Variants in SLC67A1 observed in about 807,000 individuals in gnomAD.
SLC67A1 encodes solute carrier family 67 member 1, also known as solute carrier family 67 member A1.
chr11:2,919,301 G>A, the SLC67A1 span: 4 of 1,611,418 alleles, frequency 2.5e-6, no homozygotes, highest in Non-Finnish European at 3.4e-6. Context: ...CCCTGCCCCG[G>A]CTCAGGGCTC....
chr11:2,922,331 T>C, the SLC67A1 span: 5 of 1,541,226 alleles, frequency 3.2e-6, no homozygotes, highest in Non-Finnish European at 4.4e-6. Flanking sequence ...GGGCCAGCTC[T>C]TCAGCAGGGA....
chr11:2,905,257 C>T, the SLC67A1 span, among the ~76,000 whole-genome samples: 1 of 152,022 alleles, frequency 6.6e-6, no homozygotes, highest in African/African-American at 2.4e-5. Flanking sequence ...GGGGAACTGG[C>T]AGTGGTGATG....
chr11:2,924,749 G>A, the SLC67A1 span, among the ~76,000 whole-genome samples: 6 of 152,214 alleles, frequency 3.9e-5, no homozygotes, highest in African/African-American at 1.2e-4. This position sits in a 1 kb window ranked among gnomAD's most constrained non-coding sequence, Gnocchi z 8.6. Context: ...GAGGTCCTCG[G>A]GGAACAGACC....
the SLC67A1 span, among the ~76,000 whole-genome samples, chr11:2,910,344 G>A: frequency 1.3e-5 from 2 of 152,188 alleles, no homozygotes; most frequent in African/African-American, 4.8e-5. Context: ...GAATGTGATA[G>A]GAATTCCCGT....
the SLC67A1 span, chr11:2,903,632 T>A: frequency 1.2e-6 from 1 of 834,036 alleles, no homozygotes; most frequent in Non-Finnish European, 1.9e-6. Context: ...ATGCCACGCT[T>A]AAGCTGAGTA....
the SLC67A1 span, chr11:2,902,417 C>T: frequency 5.3e-6 from 1 of 189,574 alleles, no homozygotes; most frequent in African/African-American, 2.4e-5. Flanking sequence ...ACCCCGAACT[C>T]CGGCGCAGCG....
At chr11:2,922,146 G>C in the SLC67A1 span, 1 of 1,613,702 alleles carries the variant, frequency 6.2e-7, no homozygotes, top group Non-Finnish European at 8.5e-7. Context: ...GCCACTTCTC[G>C]GAGGAGGTGC....
At chr11:2,909,855 C>A in the SLC67A1 span, 7 of 939,148 alleles carry the variant, frequency 7.5e-6, no homozygotes, top group Non-Finnish European at 1.0e-5. Flanking sequence ...GGACGTCTGG[C>A]CCCGCGCGAG....
At chr11:2,904,920 G>C in the SLC67A1 span, among the ~76,000 whole-genome samples, 1 of 152,230 alleles carries the variant, frequency 6.6e-6, no homozygotes, top group Admixed American at 6.5e-5. Flanking sequence ...CTCCGGGCTG[G>C]TGATGGCTGT....
chr11:2,908,286 C>A, the SLC67A1 span: 2 of 1,613,900 alleles, frequency 1.2e-6, no homozygotes, highest in Non-Finnish European at 1.7e-6. Context: ...ACCTGCAAAC[C>A]ACCTTCGGGG....
chr11:2,909,118 C>T, the SLC67A1 span: 1 of 1,349,618 alleles, frequency 7.4e-7, no homozygotes. Context: ...TGGTCAGCCC[C>T]GCCTGGGCAG....
the SLC67A1 span, chr11:2,924,981 G>T: frequency 6.3e-7 from 1 of 1,581,090 alleles, no homozygotes; most frequent in South Asian, 1.2e-5. This position sits in a 1 kb window ranked among gnomAD's most constrained non-coding sequence, Gnocchi z 8.6. Flanking sequence ...GAGCTGCCCA[G>T]GGCCTGACTA....
chr11:2,908,709 C>T, the SLC67A1 span, among the ~76,000 whole-genome samples: 1 of 152,136 alleles, frequency 6.6e-6, no homozygotes, highest in African/African-American at 2.4e-5. Context: ...TCCCACAAGC[C>T]ACAGCAGACA....
chr11:2,903,895 C>T, the SLC67A1 span, among the ~76,000 whole-genome samples: 8 of 152,334 alleles, frequency 5.3e-5, no homozygotes, highest in Middle Eastern at 6.8e-3. Context: ...TGCACCTGCC[C>T]GCAGCTTCTA....
chr11:2,915,097 G>A, the SLC67A1 span: 961 of 985,274 alleles, frequency 9.8e-4, 1 homozygote, highest in Non-Finnish European at 1.1e-3. Context: ...AGGTGGGGTG[G>A]ATATGCCAGC....
the SLC67A1 span, among the ~76,000 whole-genome samples, chr11:2,907,093 G>C: frequency 2.0e-4 from 31 of 151,828 alleles, 1 homozygote; most frequent in South Asian, 6.3e-3. This position sits in a 1 kb window ranked among gnomAD's most constrained non-coding sequence, Gnocchi z 6.7. Flanking sequence ...GGTTGGGGAT[G>C]GGGGGGTTAC....
At chr11:2,917,766 C>T in the SLC67A1 span, among the ~76,000 whole-genome samples, 2 of 152,202 alleles carry the variant, frequency 1.3e-5, no homozygotes, top group African/African-American at 2.4e-5. Flanking sequence ...ATTCAGGGGG[C>T]CCCTAGGAAT....
the SLC67A1 span, chr11:2,916,589 C>A: frequency 6.4e-7 from 1 of 1,563,154 alleles, no homozygotes; most frequent in Non-Finnish European, 8.8e-7. Context: ...CCCTGGGACC[C>A]GCACCCTGTG....
the SLC67A1 span, among the ~76,000 whole-genome samples, chr11:2,900,236 C>T: frequency 1.5e-4 from 23 of 152,312 alleles, no homozygotes; most frequent in South Asian, 3.7e-3. Context: ...GATGCAAACA[C>T]GTTTGCACTC....
Sources: allele counts gnomAD v4.1 joint callset (sites outside exome capture counted in the v4.1 genomes callset), GRCh38; gene constraint gnomAD v4.1.1; non-coding constraint Gnocchi (gnomAD v3.1); transcripts MANE v1.5; gene names NCBI Gene and HGNC (gene_info 2026-07-23, HGNC 2026-07-21).